TCN1: variants seen among roughly 807,000 people sequenced by gnomAD.
TCN1 encodes transcobalamin 1.
A neutral mutation model predicts 46.3 loss-of-function variants in TCN1; 47 were observed. The ratio of observed to expected loss-of-function variants is 1.01; its 90% CI spans 0.80 to 1.29. The LOEUF (loss-of-function observed/expected upper bound fraction) is 1.29, where lower values mean the gene tolerates loss of function less well. Ranked by LOEUF, TCN1 falls within the 50% of genes most tolerant of loss-of-function variation. TCN1 has a pLI of 0.00. For synonymous variants in TCN1, 183 were observed against 192.5 expected (o/e 0.95, Z 0.41); for missense variants, 532 against 511.0 (o/e 1.04, Z -0.40).
At chr11:59,855,230 T>G (rs1350734069) in intron 6 of TCN1, among the ~76,000 whole-genome samples, 1 of 152,216 alleles carries the variant, frequency 6.6e-6, no homozygotes, top group African/African-American at 2.4e-5. Flanking sequence ...ATACTAATCA[T>G]TTTACATGGA....
At chr11:59,859,303 A>G (rs1472298287) in intron 4 of TCN1, 36 bp from the exon 5 acceptor site, 2 of 1,608,160 alleles carry the variant, frequency 1.2e-6, no homozygotes, top group South Asian at 1.1e-5. Flanking sequence ...TAGGCGACCA[A>G]CCACCTCAGT....
Position 59,855,957 on chromosome 11 carries a change from A to G in TCN1, c.849T>C (p.Asn283=). ...GTAAGACCTGGGCTGCAGCGTTTGG[A>G]TTGCTGAATGCTCCTTGAGAAATTT... ...LTEISQGAFS[N]PNAAAQVLPA... is the part of the protein sequence containing the mutation. Residue 283 remains asparagine (N), a synonymous_variant, in exon 6 of 9, where the codon AAT becomes AAC. Coordinates refer to ENST00000257264, the MANE Select transcript of TCN1 (RefSeq NM_001062.4). 1 of 1,609,312 alleles carries G rather than the reference A, an allele frequency of 6.2e-7. No homozygotes were observed. Among genetic ancestry groups the G allele is most frequent in the South Asian group, 1.1e-5 (1 of 90,990 alleles).
intron 5 of TCN1, among the ~76,000 whole-genome samples, chr11:59,856,736 A>G (rs1202417053): frequency 6.6e-6 from 1 of 152,134 alleles, no homozygotes; most frequent in Non-Finnish European, 1.5e-5. Context: ...TGGAGAAGGA[A>G]GTTGGGCTAG....
Position 59,855,891 on chromosome 11 carries a change from G to A in TCN1, c.915C>T (p.Asp305=), listed in dbSNP as rs1852925666. The change falls in exon 6 of 9, where the codon GAC becomes GAT. Residue 305 remains aspartate, a synonymous_variant. Coordinates refer to ENST00000257264, the MANE Select transcript of TCN1 (RefSeq NM_001062.4). ...MGKTFLDINK[D]SSCVSASGNF... is the part of the protein sequence containing the mutation. ...TACCTGAAGCAGAGACGCAAGAAGA[G>A]TCTTTGTTAATATCCAAGAAGGTCT... The A allele has an allele frequency of 3.7e-6, 6 of 1,613,844 alleles. No homozygotes were observed. The South Asian group carries it at 4.4e-5, about 12-fold the overall frequency.
chr11:59,854,481 T>C (rs1211955952), intron 7 of TCN1, among the ~76,000 whole-genome samples, 171 bp downstream of exon 7: 1 of 152,168 alleles, frequency 6.6e-6, no homozygotes, highest in East Asian at 1.9e-4. Context: ...TGCAAGAAGA[T>C]GAAATACCTC....
intron 4 of TCN1, 108 bp from the exon 5 acceptor site, chr11:59,859,375 C>A: frequency 1.7e-6 from 2 of 1,201,772 alleles, no homozygotes; most frequent in Non-Finnish European, 2.4e-6. Context: ...AAAAACAGAT[C>A]TAGAAAAACT....
chr11:59,856,428 C>A (rs895928957), intron 5 of TCN1, among the ~76,000 whole-genome samples: 3 of 151,772 alleles, frequency 2.0e-5, no homozygotes, highest in Non-Finnish European at 4.4e-5. Flanking sequence ...GAGGAATGCC[C>A]TAAGGGATGC....
intron 2 of TCN1, 60 bp downstream of exon 2, chr11:59,863,847 C>T (rs1853043295): frequency 1.9e-6 from 3 of 1,590,106 alleles, no homozygotes; most frequent in Admixed American, 1.7e-5. Flanking sequence ...GGATTAGTTG[C>T]AGATAATCTT....
chr11:59,855,372 G>A (rs935550147), intron 6 of TCN1, among the ~76,000 whole-genome samples: 1 of 152,168 alleles, frequency 6.6e-6, no homozygotes, highest in Admixed American at 6.6e-5. Context: ...GCTGAACCAG[G>A]AATGGACAGA....
intron 8 of TCN1, 78 bp downstream of exon 8, chr11:59,853,125 C>A: frequency 6.2e-7 from 1 of 1,601,000 alleles, no homozygotes. Flanking sequence ...ACCCCTTGGC[C>A]CAATCCCCAC....
At chr11:59,865,830 A>G (rs897377872) in intron 1 of TCN1, among the ~76,000 whole-genome samples, 2 of 152,178 alleles carry the variant, frequency 1.3e-5, no homozygotes, top group African/African-American at 4.8e-5. Context: ...TGGGGTCAAC[A>G]CCCATGCAAG....
chr11:59,859,021 T>C (rs1565214222), intron 5 of TCN1, 56 bp downstream of exon 5: 4 of 1,574,912 alleles, frequency 2.5e-6, no homozygotes, highest in Non-Finnish European at 3.5e-6. Context: ...AAAAAAATAC[T>C]GCTTTCTTCC....
In TCN1 at chr11:59,866,408, T is replaced by C. The variant is rs1295272046; in HGVS notation, c.63A>G (p.Gln21=). 6.2e-7 allele frequency: 1 copy of C among 1,613,482 alleles called. No homozygotes were observed. Among genetic ancestry groups the C allele is most frequent in the East Asian group, 2.2e-5 (1 of 44,878 alleles). ...TTTACTCACCACAAATCTCGCATAGTTGGCTTGGAATAAAAGAAAACAGTA... is the reference window on the plus strand; with the variant it reads ...TTTACTCACCACAAATCTCGCATAGCTGGCTTGGAATAAAAGAAAACAGTA... ...GLLLFSFIPS[Q]LCEICEVSEE... is the part of the protein sequence containing the mutation. The change falls in exon 1 of 9, where the codon CAA becomes CAG. Residue 21 remains glutamine (Q), a synonymous_variant. Coordinates refer to ENST00000257264, the MANE Select transcript of TCN1 (RefSeq NM_001062.4).
chr11:59,863,202 GC>G (rs1312779090), intron 2 of TCN1, among the ~76,000 whole-genome samples: 4 of 152,072 alleles, frequency 2.6e-5, no homozygotes. Context: ...TCAAAGCAGA[GC>G]CTTTTAGAGC....
At chr11:59,859,298 G>C in intron 4 of TCN1, 31 bp from the exon 5 acceptor site, 3 of 1,609,026 alleles carry the variant, frequency 1.9e-6, no homozygotes, top group Non-Finnish European at 2.5e-6. Context: ...GTTGATAGGC[G>C]ACCAACCACC....
At chr11:59,860,085 C>G (rs912059829) in intron 4 of TCN1, among the ~76,000 whole-genome samples, 3 of 152,270 alleles carry the variant, frequency 2.0e-5, no homozygotes, top group African/African-American at 7.2e-5. Flanking sequence ...GCACGAATCT[C>G]TAAAGCTCTC....
At chr11:59,856,800 A>G (rs1852948500) in intron 5 of TCN1, among the ~76,000 whole-genome samples, 1 of 152,204 alleles carries the variant, frequency 6.6e-6, no homozygotes, top group Non-Finnish European at 1.5e-5. Flanking sequence ...TTGATTGACA[A>G]CGATGAGGAG....
Position 59,854,663 on chromosome 11 carries a change from A to G in TCN1, c.1110T>C (p.Asp370=), listed in dbSNP as rs767898709. The change falls in exon 7 of 9, where the codon GAT becomes GAC. Residue 370 remains aspartate (D), a synonymous_variant. Coordinates refer to ENST00000257264, the MANE Select transcript of TCN1 (RefSeq NM_001062.4). ...AGGTACAGACCTACCCAAATATAGTATCATTCATTTTCTGGGCTTTCTCCA... is the reference window on the plus strand; with the variant it reads ...AGGTACAGACCTACCCAAATATAGTGTCATTCATTTTCTGGGCTTTCTCCA... The part of the protein sequence containing the change: ...SVMEKAQKMN[D]TIFGFTMEER... 2.5e-6 allele frequency: 4 copies of G among 1,613,872 alleles called. No homozygotes were observed. The South Asian group carries it at 3.3e-5, about 13-fold the overall frequency.
intron 4 of TCN1, among the ~76,000 whole-genome samples, chr11:59,859,857 G>A (rs906546985): frequency 9.9e-5 from 15 of 152,178 alleles, no homozygotes; most frequent in Non-Finnish European, 2.9e-5. Flanking sequence ...CAAGATGCAT[G>A]CTGAAAGAGA....
Sources: gnomAD v4.1 joint callset for allele counts (sites outside exome capture counted in the v4.1 genomes callset) on GRCh38, gnomAD v4.1.1 for gene constraint, MANE v1.5 for transcripts, NCBI Gene and HGNC (gene_info 2026-07-23, HGNC 2026-07-21) for gene names.